Variants in MPZL1 observed in about 807,000 individuals in gnomAD.
MPZL1 encodes the protein myelin protein zero-like protein 1.
A neutral mutation model predicts 29.3 loss-of-function variants in MPZL1; 16 were observed. That is an observed-to-expected ratio of 0.55 (90% CI 0.37 to 0.83). MPZL1 has a LOEUF of 0.83. Among genes scored for constraint, MPZL1 ranks in the 40% least tolerant of loss-of-function variants. The probability of loss-of-function intolerance (pLI) is 0.00; values close to 1 mark genes in which losing one functional copy is unlikely to be tolerated. For synonymous variants in MPZL1, 143 were observed against 132.0 expected (o/e 1.08, Z -0.57); for missense variants, 279 against 332.9 (o/e 0.84, Z 1.26).
rs993777970 is a variant in MPZL1 at position 167,790,151 on chromosome 1, C to T, written c.*2230C>T. 1.3e-5 allele frequency: 2 copies of T among 151,622 alleles called. No homozygotes were observed. The highest frequency in any genetic ancestry group is 2.9e-5 in the Non-Finnish European group (2 of 67,926). 9.4% of individuals were successfully genotyped at this position (151,622 alleles called of 1,614,324 possible). On this transcript the variant is annotated 3_prime_UTR_variant, in exon 6 of 6. Transcript: ENST00000359523. Reference sequence around the variant, plus strand: ...GTTCCTGTGAATAAATGAAACATTTCGGAGCTCCCTGAGAGCAAGAGCCTT... The same window carrying T: ...GTTCCTGTGAATAAATGAAACATTTTGGAGCTCCCTGAGAGCAAGAGCCTT...
chr1:167,731,776 A>G (rs1660279381), intron 1 of MPZL1, among the ~76,000 whole-genome samples: 1 of 152,064 alleles, frequency 6.6e-6, no homozygotes, highest in Non-Finnish European at 1.5e-5. Flanking sequence ...GGGATCAGAA[A>G]ATGCTAAGGA....
Position 167,787,442 on chromosome 1 carries a change from C to G in MPZL1, c.709-378C>G, listed in dbSNP as rs190395672. ...TCATGATTTCTGTGGGTCTCAGGTG[C>G]GTGGAAGTTCCCATCTTAGTCCTTA... On this transcript the variant is annotated intron_variant, in intron 5 of 5. Transcript: ENST00000359523. Among the ~76,000 whole-genome samples the G allele has an allele frequency of 1.8e-3, 281 of 152,196 alleles. 3 individuals are homozygous for G. Among genetic ancestry groups the G allele is most frequent in the South Asian group, 6.0e-3 (29 of 4,820 alleles).
Position 167,788,921 on chromosome 1 carries a change from A to C in MPZL1, c.*1000A>C, listed in dbSNP as rs1211530813. 1 of 147,182 alleles carries C rather than the reference A, an allele frequency of 6.8e-6. No individual in the cohort carries two copies. The highest frequency in any genetic ancestry group is 1.5e-5 in the Non-Finnish European group (1 of 67,236). 9.1% of individuals were successfully genotyped at this position (147,182 alleles called of 1,614,324 possible). A position where few individuals can be genotyped will look rare whatever the true frequency, so the allele number is the denominator to read the frequency against. On this transcript the variant is annotated 3_prime_UTR_variant, in exon 6 of 6. Transcript: ENST00000359523. Reference sequence around the variant, plus strand: ...GAGGTAGAGTCTCACTATGTTGCCCAGACTAGCCTTGAACTCTTGGGCTCA... The same window carrying C: ...GAGGTAGAGTCTCACTATGTTGCCCCGACTAGCCTTGAACTCTTGGGCTCA...
At chr1:167,755,369 C>T (rs992575202) in intron 1 of MPZL1, among the ~76,000 whole-genome samples, 1 of 152,048 alleles carries the variant, frequency 6.6e-6, no homozygotes, top group Non-Finnish European at 1.5e-5. Context: ...GATTTGAGAG[C>T]CCAGAAAGAT....
At chr1:167,741,889 T>G (rs1239814861) in intron 1 of MPZL1, among the ~76,000 whole-genome samples, 1 of 151,804 alleles carries the variant, frequency 6.6e-6, no homozygotes, top group Admixed American at 6.6e-5. Flanking sequence ...AAAAGTTAGC[T>G]GGGCCTGATG....
intron 1 of MPZL1, among the ~76,000 whole-genome samples, chr1:167,725,546 C>T (rs1189925467): frequency 1.3e-5 from 2 of 152,060 alleles, no homozygotes; most frequent in East Asian, 1.9e-4. Context: ...AGTGCAGTAG[C>T]GTGATCTCGG....
At chr1:167,724,857 A>G (rs1348893494) in intron 1 of MPZL1, among the ~76,000 whole-genome samples, 1 of 152,166 alleles carries the variant, frequency 6.6e-6, no homozygotes, top group Non-Finnish European at 1.5e-5. Flanking sequence ...ATCCAGGGAA[A>G]ATGCACTGAA....
In MPZL1 at chr1:167,722,040, C is replaced by G; in HGVS notation, c.-112C>G. 2 of 1,222,848 alleles carry G rather than the reference C, an allele frequency of 1.6e-6. No individual in the cohort carries two copies. The highest frequency in any genetic ancestry group is 3.2e-5 in the East Asian group (1 of 31,504). 75.7% of individuals were successfully genotyped at this position (1,222,848 alleles called of 1,614,324 possible). A position where few individuals can be genotyped will look rare whatever the true frequency, so the allele number is the denominator to read the frequency against. ...GGGGAGCGCGGCGTGGAGGTGCCACCCGGCGCGGGTGGCGGAGAGATCAGA... is the reference window on the plus strand; with the variant it reads ...GGGGAGCGCGGCGTGGAGGTGCCACGCGGCGCGGGTGGCGGAGAGATCAGA... On this transcript the variant is annotated 5_prime_UTR_variant, in exon 1 of 6. Transcript: ENST00000359523.
chr1:167,754,756 T>C (rs1475010341), intron 1 of MPZL1, among the ~76,000 whole-genome samples: 1 of 152,194 alleles, frequency 6.6e-6, no homozygotes, highest in African/African-American at 2.4e-5. Flanking sequence ...TAATTACATG[T>C]TTCAAATCAC....
At chr1:167,742,999 A>G (rs1454015489) in intron 1 of MPZL1, among the ~76,000 whole-genome samples, 2 of 151,898 alleles carry the variant, frequency 1.3e-5, no homozygotes, top group South Asian at 2.1e-4. Context: ...CTATGTGCCT[A>G]TTTTTATTAC....
intron 1 of MPZL1, among the ~76,000 whole-genome samples, chr1:167,754,738 C>G (rs931072066): frequency 1.3e-5 from 2 of 152,176 alleles, no homozygotes; most frequent in African/African-American, 4.8e-5. Flanking sequence ...CATTTGTATG[C>G]TGGGTAGTAA....
At chr1:167,723,837 A>C (rs1293837312) in intron 1 of MPZL1, among the ~76,000 whole-genome samples, 1 of 152,202 alleles carries the variant, frequency 6.6e-6, no homozygotes, top group African/African-American at 2.4e-5. Context: ...ATTCTTGCCA[A>C]ATCACCTCTT....
intron 2 of MPZL1, among the ~76,000 whole-genome samples, chr1:167,766,381 T>C (rs1163994831): frequency 6.6e-6 from 1 of 152,204 alleles, no homozygotes; most frequent in African/African-American, 2.4e-5. Flanking sequence ...GAACTGACTA[T>C]CTTGGTTCTG....
chr1:167,760,905 A>G (rs138332539), intron 1 of MPZL1, among the ~76,000 whole-genome samples: 1 of 152,032 alleles, frequency 6.6e-6, no homozygotes, highest in Non-Finnish European at 1.5e-5. Context: ...AGGTCAGGAG[A>G]ACCAGGGAAG....
chr1:167,746,860 T>G (rs1660657768), intron 1 of MPZL1, among the ~76,000 whole-genome samples: 1 of 151,336 alleles, frequency 6.6e-6, no homozygotes, highest in South Asian at 2.1e-4. Flanking sequence ...GAGGGAGGCT[T>G]TATCACAAAA....
chr1:167,735,806 C>G (rs555002370), intron 1 of MPZL1, among the ~76,000 whole-genome samples: 17 of 152,112 alleles, frequency 1.1e-4, no homozygotes, highest in African/African-American at 4.1e-4. Context: ...ACTCAGAGTC[C>G]CCCAATTGTA....
intron 1 of MPZL1, among the ~76,000 whole-genome samples, chr1:167,741,705 T>A (rs1355287440): frequency 1.3e-5 from 2 of 152,090 alleles, no homozygotes; most frequent in Non-Finnish European, 2.9e-5. Context: ...CAAGAACTAT[T>A]TTACATCAGG....
intron 5 of MPZL1, among the ~76,000 whole-genome samples, chr1:167,781,786 C>A (rs1029039746): frequency 4.6e-5 from 7 of 152,088 alleles, no homozygotes; most frequent in African/African-American, 1.2e-4. Flanking sequence ...TTCTCTCTGG[C>A]TGCTTTTCGG....
At chr1:167,742,284 C>CA (rs1001560172) in intron 1 of MPZL1, among the ~76,000 whole-genome samples, 3 of 149,638 alleles carry the variant, frequency 2.0e-5, no homozygotes, top group South Asian at 2.1e-4. Flanking sequence ...CAGAGCAAGA[C>CA]AAAAAAAAGA....
Sources: allele counts gnomAD v4.1 joint callset (sites outside exome capture counted in the v4.1 genomes callset), GRCh38; gene constraint gnomAD v4.1.1; transcripts MANE v1.5; gene names NCBI Gene and HGNC (gene_info 2026-07-23, HGNC 2026-07-21).